RBFOX1: variants seen among roughly 807,000 people sequenced by gnomAD.
The protein encoded by RBFOX1 is RNA binding fox-1 homolog 1, also known as RNA binding protein fox-1 homolog 1.
In RBFOX1, 8 loss-of-function variants were observed where a neutral mutation model predicts 57.7. The ratio of observed to expected loss-of-function variants is 0.14; its 90% CI spans 0.08 to 0.25. The LOEUF is 0.25. RBFOX1 is among the 10% of genes least tolerant of loss of function. The pLI is 1.00. For synonymous variants in RBFOX1, 326 were observed against 222.4 expected, an observed-to-expected ratio of 1.47 and a Z score of -4.15; for missense variants, 611 against 548.5, an observed-to-expected ratio of 1.11 and a Z score of -1.14.
intron 5 of RBFOX1, among the ~76,000 whole-genome samples, chr16:7,531,501 A>C (rs1352715366): frequency 6.6e-6 from 1 of 152,196 alleles, no homozygotes; most frequent in Admixed American, 6.5e-5. Flanking sequence ...ATGTTGCCCA[A>C]GGTCACAAGG....
intron 1 of RBFOX1, among the ~76,000 whole-genome samples, chr16:6,107,155 G>A (rs901588022): frequency 6.6e-6 from 1 of 151,816 alleles, no homozygotes; most frequent in Admixed American, 6.6e-5. Context: ...TTGTTTTTTT[G>A]TTTTTTTAGT....
intron 4 of RBFOX1, among the ~76,000 whole-genome samples, chr16:7,066,423 G>C (rs2056048127): frequency 2.0e-5 from 3 of 152,154 alleles, no homozygotes. Flanking sequence ...TTGGACTTTG[G>C]GGTTAGACCT....
At chr16:6,489,895 TC>T (rs1241761403) in intron 2 of RBFOX1, among the ~76,000 whole-genome samples, 1 of 151,516 alleles carries the variant, frequency 6.6e-6, no homozygotes, top group African/African-American at 2.4e-5. Context: ...CTCCATTTTA[TC>T]CCCTACTTAA....
chr16:7,241,074 G>T (rs1185184619), intron 4 of RBFOX1, among the ~76,000 whole-genome samples: 2 of 152,118 alleles, frequency 1.3e-5, no homozygotes, highest in Non-Finnish European at 2.9e-5. Flanking sequence ...GGTTTATTTA[G>T]CGCAGTTTTT....
intron 3 of RBFOX1, among the ~76,000 whole-genome samples, chr16:6,841,364 G>C (rs7500622): frequency 0.76 from 115,839 of 152,052 alleles, 45,373 homozygotes; most frequent in African/African-American, 0.94. Flanking sequence ...CAGGAATAAA[G>C]TTGAAATAGC....
chr16:7,241,953 G>C (rs1001842976), intron 4 of RBFOX1, among the ~76,000 whole-genome samples: 16 of 152,080 alleles, frequency 1.1e-4, no homozygotes, highest in African/African-American at 3.6e-4. Context: ...GCATATGCGT[G>C]TGTATATATT....
chr16:5,258,174 G>C (rs182900955), intron 1 of RBFOX1, among the ~76,000 whole-genome samples: 1 of 152,112 alleles, frequency 6.6e-6, no homozygotes, highest in African/African-American at 2.4e-5. Flanking sequence ...GAGCTGCTGT[G>C]CCTGGCCAAG....
At chr16:5,462,168 CTTT>C (rs1250754827) in intron 1 of RBFOX1, among the ~76,000 whole-genome samples, 11 of 40,710 alleles carry the variant, frequency 2.7e-4, no homozygotes, top group South Asian at 8.3e-4. Context: ...TTCTTTCTTT[CTTT>C]TTTTTTTTTT....
chr16:6,232,302 T>G (rs1598615196), intron 1 of RBFOX1, among the ~76,000 whole-genome samples: 1 of 152,196 alleles, frequency 6.6e-6, no homozygotes, highest in Non-Finnish European at 1.5e-5. Context: ...AGCAGAATGC[T>G]TAAGGGCTAT....
intron 3 of RBFOX1, among the ~76,000 whole-genome samples, chr16:6,872,046 T>C (rs1045811129): frequency 6.6e-6 from 1 of 151,712 alleles, no homozygotes; most frequent in Admixed American, 6.6e-5. Flanking sequence ...AGGTATCGTT[T>C]CTGGAAAGCC....
Position 7,084,849 on chromosome 16 carries a change from GTCTT to G in RBFOX1, c.27+32755_27+32758del, listed in dbSNP as rs570383942. On this transcript the variant is annotated intron_variant, in intron 4 of 15. Coordinates refer to ENST00000550418, the MANE Select transcript of RBFOX1 (RefSeq NM_018723.4). ...ATCTGGCAATCTTGTCTGTCTGTCTGTCTTTCTGTCTATCTATCTATCCATCTAT... is the reference window on the plus strand; with the variant it reads ...ATCTGGCAATCTTGTCTGTCTGTCTGTCTGTCTATCTATCTATCCATCTAT... 5.4e-3 allele frequency among the ~76,000 whole-genome samples: 820 copies of G among 152,048 alleles called. 8 individuals are homozygous for G. The highest frequency in any genetic ancestry group is 0.019 in the African/African-American group (772 of 41,460).
intron 4 of RBFOX1, among the ~76,000 whole-genome samples, chr16:7,159,340 G>A (rs1427951753): frequency 1.3e-5 from 2 of 152,132 alleles, no homozygotes; most frequent in African/African-American, 2.4e-5. Flanking sequence ...GATTGAGAGG[G>A]GTGGCAAGCC....
At chr16:7,357,315 A>G (rs1022575459) in intron 4 of RBFOX1, among the ~76,000 whole-genome samples, 3 of 152,042 alleles carry the variant, frequency 2.0e-5, no homozygotes, top group African/African-American at 7.2e-5. Context: ...TTATACTCCC[A>G]TTTTTCACTA....
chr16:6,418,519 ATTTTTTT>A (rs567448072), intron 2 of RBFOX1, among the ~76,000 whole-genome samples: 65 of 100,938 alleles, frequency 6.4e-4, no homozygotes, highest in South Asian at 1.3e-3. Flanking sequence ...TGCAAGCCTT[ATTTTTTT>A]TTTTTTTTTT....
At chr16:6,116,702 T>C (rs1179556501) in intron 1 of RBFOX1, among the ~76,000 whole-genome samples, 1 of 152,178 alleles carries the variant, frequency 6.6e-6, no homozygotes, top group Non-Finnish European at 1.5e-5. Flanking sequence ...TTTAATCAAG[T>C]CTGAGTTGGG....
chr16:5,507,988 C>G (rs751426800), intron 2 of RBFOX1, among the ~76,000 whole-genome samples: 1 of 152,146 alleles, frequency 6.6e-6, no homozygotes, highest in Non-Finnish European at 1.5e-5. Context: ...CTGGGAAGCT[C>G]ACATGGCATT....
chr16:6,477,387 C>G (rs2095290142), intron 2 of RBFOX1, among the ~76,000 whole-genome samples: 1 of 152,196 alleles, frequency 6.6e-6, no homozygotes, highest in Non-Finnish European at 1.5e-5. Flanking sequence ...ATTGCATTAA[C>G]AGGCACGAAC....
intron 4 of RBFOX1, among the ~76,000 whole-genome samples, chr16:7,447,943 G>C (rs1178540309): frequency 6.6e-6 from 1 of 152,176 alleles, no homozygotes; most frequent in African/African-American, 2.4e-5. Flanking sequence ...TACATTCCTA[G>C]GTCCCTTCCA....
At chr16:6,632,234 G>T (rs1473743578) in intron 2 of RBFOX1, among the ~76,000 whole-genome samples, 2 of 151,710 alleles carry the variant, frequency 1.3e-5, no homozygotes, top group Non-Finnish European at 2.9e-5. Flanking sequence ...TTTAGAGTCT[G>T]TTTTCCCTGC....
Sources: gnomAD v4.1 joint callset for allele counts (sites outside exome capture counted in the v4.1 genomes callset) on GRCh38, gnomAD v4.1.1 for gene constraint, MANE v1.5 for transcripts, NCBI Gene and HGNC (gene_info 2026-07-23, HGNC 2026-07-21) for gene names.